The following MYO16 variants were observed in gnomAD, a reference collection of about 807,000 sequenced individuals.
The protein encoded by MYO16 is unconventional myosin-XVI.
MYO16 carries 94 observed loss-of-function variants against 205.3 expected under a neutral mutation model. The observed-to-expected ratio is 0.46, with a 90% confidence interval of 0.39 to 0.54. MYO16 has a LOEUF of 0.54. Ranked by LOEUF, MYO16 falls within the 20% of genes least tolerant of loss-of-function variation. MYO16 has a pLI of 0.00. For synonymous variants in MYO16, 988 were observed against 954.0 expected (o/e 1.04, Z -0.66); for missense variants, 2,315 against 2,387.5 (o/e 0.97, Z 0.63).
intron 16 of MYO16, among the ~76,000 whole-genome samples, chr13:108,929,652 G>T (rs1348071447): frequency 6.6e-6 from 1 of 152,162 alleles, no homozygotes; most frequent in East Asian, 1.9e-4. Context: ...AACCTAGTGG[G>T]TGGAGTCAAA....
intron 4 of MYO16, among the ~76,000 whole-genome samples, chr13:108,780,961 G>C (rs4489855): frequency 6.6e-6 from 1 of 152,044 alleles, no homozygotes; most frequent in Non-Finnish European, 1.5e-5. Context: ...TCAGCCCCAC[G>C]CTTCAGGTGC....
At chr13:108,914,058 T>C (rs1302905676) in intron 16 of MYO16, among the ~76,000 whole-genome samples, 1 of 151,804 alleles carries the variant, frequency 6.6e-6, no homozygotes, top group Non-Finnish European at 1.5e-5. Context: ...ATATATGTAG[T>C]ATATCTACTA....
chr13:108,825,032 G>C (rs1424058546), intron 9 of MYO16, among the ~76,000 whole-genome samples: 4 of 151,952 alleles, frequency 2.6e-5, no homozygotes, highest in Non-Finnish European at 5.9e-5. Flanking sequence ...AGAAGAGCAG[G>C]GAATTGTTTT....
At chr13:108,571,301 G>GA in the MYO16 span, among the ~76,000 whole-genome samples, 626 of 127,080 alleles carry the variant, frequency 4.9e-3, no homozygotes, top group African/African-American at 8.9e-3. Flanking sequence ...GCCCTGGGAT[G>GA]AAAAAAAAAA....
intron 4 of MYO16, among the ~76,000 whole-genome samples, chr13:108,732,136 A>G (rs1364618308): frequency 6.6e-6 from 1 of 152,176 alleles, no homozygotes; most frequent in Non-Finnish European, 1.5e-5. Context: ...ATGAAACGCT[A>G]TTGTCCAATG....
intron 20 of MYO16, among the ~76,000 whole-genome samples, chr13:108,967,813 T>G (rs918660014): frequency 3.3e-5 from 5 of 152,154 alleles, no homozygotes; most frequent in Non-Finnish European, 5.9e-5. Context: ...TGACACAGTT[T>G]ATTGTTAAAA....
At chr13:108,708,149 A>G (rs530504085) in intron 2 of MYO16, among the ~76,000 whole-genome samples, 4 of 152,230 alleles carry the variant, frequency 2.6e-5, no homozygotes, top group African/African-American at 4.8e-5. Flanking sequence ...TATACATCCT[A>G]AAGTTTGAGC....
At chr13:109,054,580 A>T (rs889980038) in intron 25 of MYO16, among the ~76,000 whole-genome samples, 2 of 152,108 alleles carry the variant, frequency 1.3e-5, no homozygotes, top group Non-Finnish European at 2.9e-5. Flanking sequence ...CACCAAGCAA[A>T]TGAGGATCTA....
intron 4 of MYO16, among the ~76,000 whole-genome samples, chr13:108,774,321 G>A (rs1358781158): frequency 1.3e-5 from 2 of 152,124 alleles, no homozygotes; most frequent in African/African-American, 2.4e-5. Context: ...TGAGTTTCAT[G>A]TGGGGAATGA....
chr13:109,173,625 G>T (rs1030522169), intron 33 of MYO16, among the ~76,000 whole-genome samples: 1 of 152,112 alleles, frequency 6.6e-6, no homozygotes, highest in East Asian at 1.9e-4. Context: ...GCCGGGCGCG[G>T]TGGCTCACGC....
chr13:109,023,709 A>ATACATATATATGTATATATGTGTATAT (rs571275985), intron 23 of MYO16, among the ~76,000 whole-genome samples: 2 of 124,144 alleles, frequency 1.6e-5, no homozygotes, highest in East Asian at 2.3e-4. Flanking sequence ...ATATGTATAT[A>ATACATATATATGTATATATGTGTATAT]TACAAATATA....
At chr13:109,142,430 G>T (rs1335242109) in intron 32 of MYO16, among the ~76,000 whole-genome samples, 4 of 152,154 alleles carry the variant, frequency 2.6e-5, no homozygotes, top group Admixed American at 1.3e-4. Context: ...GGGTCTGGAG[G>T]CAGGGAACCT....
chr13:108,566,025 T>C, the MYO16 span, among the ~76,000 whole-genome samples: 2 of 152,108 alleles, frequency 1.3e-5, no homozygotes, highest in African/African-American at 4.8e-5. Flanking sequence ...AGTTTTGTTA[T>C]CAGAGTAATA....
intron 1 of MYO16, among the ~76,000 whole-genome samples, chr13:108,622,799 G>A (rs902271724): frequency 6.6e-5 from 10 of 151,960 alleles, no homozygotes; most frequent in Admixed American, 4.6e-4. Context: ...ATCAGAGCAC[G>A]GACCACACTC....
chr13:109,194,578 A>C (rs1880065895), intron 34 of MYO16, among the ~76,000 whole-genome samples: 1 of 152,194 alleles, frequency 6.6e-6, no homozygotes, highest in Non-Finnish European at 1.5e-5. Flanking sequence ...AGGGAATTTT[A>C]ATTCGGACGT....
intron 16 of MYO16, among the ~76,000 whole-genome samples, chr13:108,914,542 T>C (rs1287534790): frequency 6.6e-6 from 1 of 152,170 alleles, no homozygotes; most frequent in East Asian, 1.9e-4. Flanking sequence ...ACTAGATACA[T>C]GAATCAAAAT....
chr13:109,181,479 A>T lies in MYO16; in HGVS notation c.5415+1846A>T, dbSNP rs114277120. On this transcript the variant is annotated intron_variant, in intron 34 of 34. Transcript: ENST00000457511. The stretch of plus-strand genomic sequence containing the variant: ...TAATGCAATTAAATAGAAATTCTAT[A>T]AAATCCAGTCCTGGACAGATTGGGC... Among the ~76,000 whole-genome samples the T allele has an allele frequency of 2.5e-3, 374 of 152,388 alleles. 2 individuals are homozygous for T. Among genetic ancestry groups the T allele is most frequent in the African/African-American group, 8.6e-3 (356 of 41,602 alleles).
At chr13:108,844,700 G>T (rs182523773) in intron 10 of MYO16, among the ~76,000 whole-genome samples, 1 of 127,110 alleles carries the variant, frequency 7.9e-6, no homozygotes, top group African/African-American at 3.1e-5. Context: ...TTTACAATTT[G>T]AATTTTGGTT....
chr13:109,156,855 C>T (rs1326541456), intron 32 of MYO16, among the ~76,000 whole-genome samples: 1 of 152,200 alleles, frequency 6.6e-6, no homozygotes, highest in Non-Finnish European at 1.5e-5. Flanking sequence ...TCCTCACACT[C>T]GAGAGTGTCT....
Sources: allele counts gnomAD v4.1 joint callset (sites outside exome capture counted in the v4.1 genomes callset), GRCh38; gene constraint gnomAD v4.1.1; transcripts MANE v1.5; gene names NCBI Gene and HGNC (gene_info 2026-07-23, HGNC 2026-07-21).